Variants in ERP44 observed in about 807,000 individuals in gnomAD.
ERP44 encodes the protein endoplasmic reticulum protein 44.
A neutral mutation model predicts 53.4 loss-of-function variants in ERP44; 25 were observed. The ratio of observed to expected loss-of-function variants is 0.47; its 90% CI spans 0.34 to 0.65. ERP44 has a LOEUF of 0.65. Ranked by LOEUF, ERP44 falls within the 30% of genes least tolerant of loss-of-function variation. The pLI, the probability that ERP44 is intolerant of heterozygous loss-of-function variation, is 0.01. For synonymous variants in ERP44, 145 were observed against 161.2 expected, an observed-to-expected ratio of 0.90 and a Z score of 0.76; for missense variants, 338 against 493.2, an observed-to-expected ratio of 0.69 and a Z score of 2.98.
rs540545642 is a variant in ERP44 at position 100,068,129 on chromosome 9, C to A, written c.58-7957G>T. Among the ~76,000 whole-genome samples the A allele has an allele frequency of 4.1e-5, 6 of 146,104 alleles. No individual in the cohort carries two copies. In the South Asian group the frequency reaches 1.3e-3, roughly 32 times the overall value. ...GCTGCCCCATCCAGGAGGTGAGGGGCGCCTCTGCCCAGCCGCCCCAACTGG... is the reference window on the plus strand; with the variant it reads ...GCTGCCCCATCCAGGAGGTGAGGGGAGCCTCTGCCCAGCCGCCCCAACTGG... On this transcript the variant is annotated intron_variant, in intron 1 of 11. Coordinates refer to ENST00000262455, the MANE Select transcript of ERP44 (RefSeq NM_015051.3).
chr9:99,996,281 G>GT (rs1350091960), intron 10 of ERP44, among the ~76,000 whole-genome samples: 1 of 152,140 alleles, frequency 6.6e-6, no homozygotes, highest in Admixed American at 6.5e-5. Flanking sequence ...ATTAGATCCT[G>GT]TGAGAGTGAG....
At chr9:100,037,560 T>C (rs1825857707) in intron 4 of ERP44, among the ~76,000 whole-genome samples, 1 of 152,008 alleles carries the variant, frequency 6.6e-6, no homozygotes, top group Admixed American at 6.5e-5. Context: ...CCAGACTGCA[T>C]AGCTCACCAC....
At chr9:100,020,328 A>T (rs1830574291) in intron 6 of ERP44, among the ~76,000 whole-genome samples, 1 of 152,242 alleles carries the variant, frequency 6.6e-6, no homozygotes, top group African/African-American at 2.4e-5. Flanking sequence ...TGTCTGACAT[A>T]GGGTAAGAGT....
chr9:100,030,923 T>C lies in ERP44; in HGVS notation c.287-8697A>G, dbSNP rs1825780187. ...TCTCCCTTTCCTATCCTCTGTGCCCTGAGACCACATGACAGCAGAGGTTGG... is the reference window on the plus strand; with the variant it reads ...TCTCCCTTTCCTATCCTCTGTGCCCCGAGACCACATGACAGCAGAGGTTGG... On this transcript the variant is annotated intron_variant, in intron 4 of 11. Coordinates refer to ENST00000262455, the MANE Select transcript of ERP44 (RefSeq NM_015051.3). Among the ~76,000 whole-genome samples, 3 of 152,308 alleles carry C rather than the reference T, an allele frequency of 2.0e-5. 1 individual carries two copies. The East Asian group carries it at 5.8e-4, about 29-fold the overall frequency.
At chr9:100,036,998 C>T (rs1825853532) in intron 4 of ERP44, among the ~76,000 whole-genome samples, 2 of 152,164 alleles carry the variant, frequency 1.3e-5, no homozygotes, top group Admixed American at 6.5e-5. Context: ...ACTATCTACA[C>T]AAAACAAGCA....
rs75097884 is a variant in ERP44, at chr9:100,075,068, G to A, written c.58-14896C>T. 7.1e-4 allele frequency among the ~76,000 whole-genome samples: 108 copies of A among 152,268 alleles called. 2 individuals carry two copies. In the East Asian group the frequency reaches 0.016, roughly 23 times the overall value. The stretch of plus-strand genomic sequence containing the variant: ...AAAATGGTAAGTCAAAAACAATATC[G>A]CATCCTTGGAGGGACTGCAGAGATT... On this transcript the variant is annotated intron_variant, in intron 1 of 11. Coordinates refer to ENST00000262455, the MANE Select transcript of ERP44 (RefSeq NM_015051.3).
chr9:100,085,944 T>C (rs1361243813), intron 1 of ERP44, among the ~76,000 whole-genome samples: 1 of 152,186 alleles, frequency 6.6e-6, no homozygotes, highest in Non-Finnish European at 1.5e-5. Context: ...GAATTTTTAT[T>C]TTTTCATATT....
chr9:100,009,131 A>T (rs1172301953), intron 8 of ERP44, among the ~76,000 whole-genome samples: 5 of 151,950 alleles, frequency 3.3e-5, no homozygotes, highest in Admixed American at 3.3e-4. Flanking sequence ...TTTTTTTTTG[A>T]GACGGAGTCT....
chr9:100,060,053 C>A, intron 2 of ERP44, 47 bp downstream of exon 2: 1 of 1,327,556 alleles, frequency 7.5e-7, no homozygotes, highest in Non-Finnish European at 9.8e-7. Context: ...TAAACTAACT[C>A]TCTATAGAGA....
intron 4 of ERP44, among the ~76,000 whole-genome samples, chr9:100,036,997 A>G (rs575922001): frequency 6.6e-6 from 1 of 152,324 alleles, no homozygotes; most frequent in South Asian, 2.1e-4. Context: ...AACTATCTAC[A>G]CAAAACAAGC....
chr9:100,016,857 T>G (rs1406194399), intron 7 of ERP44, among the ~76,000 whole-genome samples: 1 of 152,202 alleles, frequency 6.6e-6, no homozygotes, highest in Non-Finnish European at 1.5e-5. Context: ...GAGCTAATAA[T>G]CTAACCTGTG....
At chr9:100,094,193 T>G (rs1057310449) in intron 1 of ERP44, among the ~76,000 whole-genome samples, 4 of 151,978 alleles carry the variant, frequency 2.6e-5, no homozygotes, top group African/African-American at 9.7e-5. Context: ...TATCCGCATC[T>G]CTAGAATAAA....
In ERP44 at chr9:100,004,450, GC is replaced by G. The variant is rs1830407872; in HGVS notation, c.1016+2055del. ...CTGCAGCTTTGGAATCCAGCCTGGG[GC>G]TTGGAGATATTGCCTGGCACCAGGA... On this transcript the variant is annotated intron_variant, in intron 10 of 11. Coordinates refer to ENST00000262455, the MANE Select transcript of ERP44 (RefSeq NM_015051.3). Among the ~76,000 whole-genome samples, 3 of 152,186 alleles carry G rather than the reference GC, an allele frequency of 2.0e-5. No homozygotes were observed. The South Asian group carries it at 6.2e-4, about 31-fold the overall frequency.
intron 1 of ERP44, among the ~76,000 whole-genome samples, chr9:100,086,152 C>T (rs1365558585): frequency 1.3e-5 from 2 of 152,098 alleles, no homozygotes; most frequent in African/African-American, 2.4e-5. Context: ...GCAAATGATA[C>T]CTTTCAAACA....
intron 6 of ERP44, 56 bp downstream of exon 6, chr9:100,020,560 C>A: frequency 1.2e-6 from 1 of 848,426 alleles, no homozygotes. Context: ...AATACAACAG[C>A]AATTTAACAT....
At chr9:99,982,761 G>T in intron 11 of ERP44, 48 bp from the exon 12 acceptor site, 2 of 1,192,502 alleles carry the variant, frequency 1.7e-6, no homozygotes, top group Non-Finnish European at 2.4e-6. Flanking sequence ...AGTTTATGGT[G>T]CTATAATATT....
Position 100,022,084 on chromosome 9 carries a change from G to A in ERP44, c.429C>T (p.Pro143=), listed in dbSNP as rs761384479. 42 of 1,613,674 alleles carry A rather than the reference G, an allele frequency of 2.6e-5. No homozygotes were observed. The highest frequency in any genetic ancestry group is 3.4e-5 in the Non-Finnish European group (40 of 1,179,880). The change falls in exon 5 of 12, where the codon CCC becomes CCT. Residue 143 remains proline (P), a synonymous_variant. Transcript: ENST00000262455. ...CTGCTAAGTCCCGAATTTCTTGAAT[G>A]GGGTCACTTTTTTGTTGCCTGATGT... ...ADYIRQQKSD[P]IQEIRDLAEI...
intron 3 of ERP44, among the ~76,000 whole-genome samples, chr9:100,052,946 C>T (rs534240612): frequency 3.2e-4 from 49 of 152,174 alleles, no homozygotes; most frequent in Non-Finnish European, 2.2e-4. Flanking sequence ...GAGACAGGGT[C>T]TCATTCTGTT....
At chr9:100,090,380 A>G (rs1564107389) in intron 1 of ERP44, among the ~76,000 whole-genome samples, 1 of 152,226 alleles carries the variant, frequency 6.6e-6, no homozygotes, top group African/African-American at 2.4e-5. Context: ...TCTATAAGCA[A>G]AGAGATAGAC....
Sources: gnomAD v4.1 joint callset for allele counts (sites outside exome capture counted in the v4.1 genomes callset) on GRCh38, gnomAD v4.1.1 for gene constraint, MANE v1.5 for transcripts, NCBI Gene and HGNC (gene_info 2026-07-23, HGNC 2026-07-21) for gene names.